The following CTDSPL variants were observed in gnomAD, a reference collection of about 807,000 sequenced individuals.
The protein encoded by CTDSPL is CTD small phosphatase like.
CTDSPL carries 8 observed loss-of-function variants against 30.5 expected under a neutral mutation model. The ratio of observed to expected loss-of-function variants is 0.26; its 90% CI spans 0.15 to 0.47. The LOEUF is 0.47. CTDSPL is among the 20% of genes least tolerant of loss of function. CTDSPL has a pLI of 0.99. For missense variants in CTDSPL, 248 were observed against 366.1 expected (o/e 0.68, Z 2.63); for synonymous variants, 110 against 137.9 (o/e 0.80, Z 1.42).
At chr3:37,925,024 A>G (rs9824583) in intron 1 of CTDSPL, among the ~76,000 whole-genome samples, 42,277 of 151,936 alleles carry the variant, frequency 0.28, 7,631 homozygotes, top group African/African-American at 0.51. Flanking sequence ...TCACCTAGTG[A>G]TACATCCTCT....
intron 1 of CTDSPL, among the ~76,000 whole-genome samples, chr3:37,931,336 A>G (rs927753990): frequency 1.3e-5 from 2 of 151,810 alleles, no homozygotes; most frequent in Non-Finnish European, 2.9e-5. Context: ...TTTTTAAAAG[A>G]TGGGGTCTCA....
intron 1 of CTDSPL, among the ~76,000 whole-genome samples, chr3:37,929,359 G>A (rs1327335681): frequency 6.6e-6 from 1 of 152,184 alleles, no homozygotes; most frequent in Non-Finnish European, 1.5e-5. Context: ...CATTGAATCT[G>A]TAGATTGCTT....
chr3:37,931,433 A>G (rs540791612), intron 1 of CTDSPL, among the ~76,000 whole-genome samples: 1 of 151,982 alleles, frequency 6.6e-6, no homozygotes, highest in Non-Finnish European at 1.5e-5. Flanking sequence ...GGGATTATAG[A>G]TGTGAGCCAT....
At chr3:37,947,025 T>G (rs530614510) in intron 1 of CTDSPL, 32 bp from the exon 2 acceptor site, 1 of 1,601,444 alleles carries the variant, frequency 6.2e-7, no homozygotes, top group African/African-American at 1.3e-5. Flanking sequence ...CATGCTGCAG[T>G]TGGCCATAGT....
rs1254106529 is a variant in CTDSPL at position 37,983,397 on chromosome 3, GT to G, written c.*2536del. 6.5e-6 allele frequency: 1 copy of G among 152,716 alleles called. No individual in the cohort carries two copies. The highest frequency in any genetic ancestry group is 1.9e-4 in the East Asian group (1 of 5,192). The allele number at this position is 152,716 out of a possible 1,614,324, so 9.5% of individuals were successfully genotyped here. A position where few individuals can be genotyped will look rare whatever the true frequency, so the allele number is the denominator to read the frequency against. On this transcript the variant is annotated 3_prime_UTR_variant, in exon 8 of 8. Coordinates refer to ENST00000273179, the MANE Select transcript of CTDSPL (RefSeq NM_001008392.2). ...AATGAGACGAATGTTTGGGGTTTAT[GT>G]TTTTTAAGGTAAATACGGGTATTGT...
At chr3:37,877,656 C>T (rs1054289822) in intron 1 of CTDSPL, among the ~76,000 whole-genome samples, 2 of 141,486 alleles carry the variant, frequency 1.4e-5, no homozygotes, top group Admixed American at 1.4e-4. Context: ...TGAGTAACTT[C>T]CTGTATTAGT....
intron 2 of CTDSPL, among the ~76,000 whole-genome samples, chr3:37,947,812 T>C (rs946762173): frequency 6.6e-6 from 1 of 152,200 alleles, no homozygotes; most frequent in African/African-American, 2.4e-5. Context: ...GAAACAGACA[T>C]AGAGAAGAGC....
At chr3:37,910,950 T>C (rs1004394743) in intron 1 of CTDSPL, among the ~76,000 whole-genome samples, 2 of 152,330 alleles carry the variant, frequency 1.3e-5, no homozygotes, top group Admixed American at 1.3e-4. Flanking sequence ...AGGCTTCTGC[T>C]TCCCCTGCTG....
At chr3:37,885,590 C>T (rs748169914) in intron 1 of CTDSPL, among the ~76,000 whole-genome samples, 1 of 152,080 alleles carries the variant, frequency 6.6e-6, no homozygotes, top group Non-Finnish European at 1.5e-5. Context: ...GGAACCTGGA[C>T]CCTGGCAGAA....
rs547243694 is a variant in CTDSPL at position 37,981,181 on chromosome 3, T to C, written c.*314T>C. ...CTATCAGACTTCCTTTCAACTGTCC[T>C]CCCCTCCAAGCAGACCACCTGTCCC... On this transcript the variant is annotated 3_prime_UTR_variant, in exon 8 of 8. Transcript: ENST00000273179. 12 of 174,214 alleles carry C rather than the reference T, an allele frequency of 6.9e-5. No homozygotes were observed. In the South Asian group the frequency reaches 1.6e-3, roughly 23 times the overall value. The allele number at this position is 174,214 out of a possible 1,614,324, so 10.8% of individuals were successfully genotyped here. A position where few individuals can be genotyped will look rare whatever the true frequency, so the allele number is the denominator to read the frequency against.
At chr3:37,866,054 A>G (rs1390949078) in intron 1 of CTDSPL, among the ~76,000 whole-genome samples, 1 of 152,250 alleles carries the variant, frequency 6.6e-6, no homozygotes, top group Non-Finnish European at 1.5e-5. Flanking sequence ...TCTGTTCTAG[A>G]GAAATAACCT....
intron 1 of CTDSPL, among the ~76,000 whole-genome samples, chr3:37,919,399 TTGGAA>T (rs1559633519): frequency 4.6e-5 from 7 of 152,200 alleles, no homozygotes; most frequent in African/African-American, 1.7e-4. Flanking sequence ...AAAAACAGTA[TTGGAA>T]TTTTGCCTCA....
rs1189818376 is a variant in CTDSPL, at chr3:37,982,387, C to T, written c.*1520C>T. The stretch of plus-strand genomic sequence containing the variant: ...CCATGTTCCTTGTTTGACAACAAGA[C>T]AGTCTGTAAAGTATTGCTCTTAAAA... On this transcript the variant is annotated 3_prime_UTR_variant, in exon 8 of 8. Coordinates refer to ENST00000273179, the MANE Select transcript of CTDSPL (RefSeq NM_001008392.2). The T allele has an allele frequency of 8.2e-6, 3 of 367,080 alleles. No homozygotes were observed. Among genetic ancestry groups the T allele is most frequent in the Non-Finnish European group, 1.6e-5 (3 of 184,184 alleles). The allele number at this position is 367,080 out of a possible 1,614,324, so 22.7% of individuals were successfully genotyped here.
intron 1 of CTDSPL, among the ~76,000 whole-genome samples, chr3:37,908,470 A>G (rs1315759425): frequency 6.6e-6 from 1 of 152,156 alleles, no homozygotes; most frequent in African/African-American, 2.4e-5. Context: ...TGTCATCATT[A>G]TTTTTAATGG....
chr3:37,905,929 G>T (rs997091507), intron 1 of CTDSPL, among the ~76,000 whole-genome samples: 2 of 152,230 alleles, frequency 1.3e-5, no homozygotes, highest in African/African-American at 4.8e-5. Flanking sequence ...GAGGAGAGAA[G>T]AGTATGGACT....
At chr3:37,955,955 A>C (rs1699168480) in intron 2 of CTDSPL, among the ~76,000 whole-genome samples, 1 of 152,198 alleles carries the variant, frequency 6.6e-6, no homozygotes, top group Non-Finnish European at 1.5e-5. Context: ...AAATGAATTT[A>C]TCTGTGCAAG....
intron 1 of CTDSPL, among the ~76,000 whole-genome samples, chr3:37,929,086 G>A (rs188563564): frequency 4.6e-4 from 70 of 152,234 alleles, no homozygotes; most frequent in African/African-American, 1.2e-3. Context: ...TCATTTGACC[G>A]TACATGCATA....
intron 1 of CTDSPL, among the ~76,000 whole-genome samples, chr3:37,927,879 T>C (rs1698803975): frequency 1.3e-5 from 2 of 152,038 alleles, no homozygotes; most frequent in African/African-American, 4.8e-5. Context: ...CAGCCACCAT[T>C]CTACTTTATG....
At chr3:37,974,869 C>T (rs1417638369) in intron 6 of CTDSPL, among the ~76,000 whole-genome samples, 6 of 152,150 alleles carry the variant, frequency 3.9e-5, no homozygotes, top group Admixed American at 1.3e-4. Flanking sequence ...GGAGCCAGCT[C>T]ATTCATTCAG....
Sources: allele counts gnomAD v4.1 joint callset (sites outside exome capture counted in the v4.1 genomes callset), GRCh38; gene constraint gnomAD v4.1.1; transcripts MANE v1.5; gene names NCBI Gene and HGNC (gene_info 2026-07-23, HGNC 2026-07-21).